The following GABRA5 variants were observed in gnomAD, a reference collection of about 807,000 sequenced individuals.
GABRA5 encodes gamma-aminobutyric acid type A receptor subunit alpha5.
In GABRA5, 18 loss-of-function variants were observed where a neutral mutation model predicts 47.3. The observed-to-expected ratio is 0.38, with a 90% CI of 0.26 to 0.56. The LOEUF (loss-of-function observed/expected upper bound fraction) is 0.56. GABRA5 is among the 20% of genes least tolerant of loss of function. The pLI is 0.71. For synonymous variants in GABRA5, 237 were observed against 229.3 expected (o/e 1.03, Z -0.30); for missense variants, 365 against 599.3 (o/e 0.61, Z 4.08).
chr15:26,945,747 G>C (rs1263827528), intron 10 of GABRA5, among the ~76,000 whole-genome samples: 1 of 152,160 alleles, frequency 6.6e-6, no homozygotes, highest in Non-Finnish European at 1.5e-5. Context: ...GCGGATTCCA[G>C]GGCGCGTGTA....
intron 7 of GABRA5, among the ~76,000 whole-genome samples, chr15:26,920,491 T>G (rs1893817881): frequency 6.6e-6 from 1 of 152,138 alleles, no homozygotes; most frequent in Non-Finnish European, 1.5e-5. Flanking sequence ...TATTGAAAAT[T>G]CACTTTGTTC....
At chr15:26,911,398 A>AACACACACAC (rs1211826336) in intron 6 of GABRA5, among the ~76,000 whole-genome samples, 5 of 96,782 alleles carry the variant, frequency 5.2e-5, no homozygotes, top group South Asian at 3.4e-4. Flanking sequence ...CACACACACA[A>AACACACACAC]ACACACACAC....
At chr15:26,939,667 AAC>A in intron 8 of GABRA5, 1 of 596,350 alleles carries the variant, frequency 1.7e-6, no homozygotes, top group Middle Eastern at 4.4e-4. Flanking sequence ...AGATTAGTAA[AAC>A]ACACAAATCT....
At position 26,883,313 on chromosome 15, in the gene GABRA5, G is replaced by A. The variant is rs1370054287; in HGVS notation, c.277-24G>A. ...CGCCCAGGCCCCGTGCCCTCTGACT[G>A]CCTCGTGCCTTCCTTTCCACTAGGA... is the stretch of plus-strand genomic sequence containing the variant. On this transcript the variant is annotated intron_variant, in intron 5 of 10. Coordinates refer to ENST00000335625, the MANE Select transcript of GABRA5 (RefSeq NM_000810.4). This position sits in a 1 kb window ranked among gnomAD's most constrained non-coding sequence, Gnocchi z 4.8. 39 of 1,612,916 alleles carry A rather than the reference G, an allele frequency of 2.4e-5. No homozygotes were observed. Among genetic ancestry groups the A allele is most frequent in the Non-Finnish European group, 3.3e-5 (39 of 1,178,924 alleles).
intron 6 of GABRA5, among the ~76,000 whole-genome samples, chr15:26,904,706 A>G (rs989439753): frequency 6.6e-6 from 1 of 151,794 alleles, no homozygotes; most frequent in Non-Finnish European, 1.5e-5. Flanking sequence ...ATTCCTAGGT[A>G]TTTCATTCTT....
chr15:26,918,405 A>G (rs1893766068), intron 7 of GABRA5, among the ~76,000 whole-genome samples: 1 of 152,176 alleles, frequency 6.6e-6, no homozygotes, highest in African/African-American at 2.4e-5. Context: ...GTGACATAAA[A>G]TGTGAATGTT....
At chr15:26,889,305 G>C (rs904134872) in intron 6 of GABRA5, among the ~76,000 whole-genome samples, 9 of 152,056 alleles carry the variant, frequency 5.9e-5, no homozygotes, top group African/African-American at 2.2e-4. Context: ...CTTAAATTCA[G>C]GTCCTGACTG....
chr15:26,883,577 G>A lies in GABRA5; in HGVS notation c.497+20G>A, dbSNP rs1198489066. The A allele has an allele frequency of 2.7e-6, 4 of 1,496,984 alleles. No individual in the cohort carries two copies. The highest frequency in any genetic ancestry group is 3.6e-6 in the Non-Finnish European group (4 of 1,101,462). 92.7% of individuals were successfully genotyped at this position (1,496,984 alleles called of 1,614,324 possible). ...CATGCGGTGAGCGCCGGGCGGGGGC[G>A]GGCGGGGCCGGGGGACGGTGCGGGG... On this transcript the variant is annotated intron_variant, in intron 6 of 10. Transcript: ENST00000335625. This position sits in a 1 kb window ranked among gnomAD's most constrained non-coding sequence, Gnocchi z 4.8.
At chr15:26,946,172 C>T (rs1372929598) in intron 10 of GABRA5, among the ~76,000 whole-genome samples, 1 of 152,160 alleles carries the variant, frequency 6.6e-6, no homozygotes, top group Admixed American at 6.5e-5. Context: ...TGCTTTTTAT[C>T]TTTTCTTTAT....
intron 10 of GABRA5, among the ~76,000 whole-genome samples, chr15:26,946,602 T>C (rs1259559989): frequency 6.6e-6 from 1 of 152,186 alleles, no homozygotes; most frequent in Non-Finnish European, 1.5e-5. Context: ...ACAGCACCTT[T>C]GCTGAGTGTG....
intron 6 of GABRA5, among the ~76,000 whole-genome samples, chr15:26,893,756 G>A (rs1197019683): frequency 1.3e-5 from 2 of 152,042 alleles, no homozygotes; most frequent in African/African-American, 4.8e-5. Context: ...AGCAGGGCCC[G>A]GCGACCAGGC....
intron 8 of GABRA5, chr15:26,939,507 G>C: frequency 1.4e-6 from 1 of 701,006 alleles, no homozygotes; most frequent in Non-Finnish European, 2.6e-6. Flanking sequence ...CACCTCCCTG[G>C]AGCCTCTAGA....
chr15:26,895,759 G>A lies in GABRA5; in HGVS notation c.497+12202G>A, dbSNP rs1281316971. ...ACCCGGGAGGCGGAGGTTGCAGAGA[G>A]CCAAGATGGCGCCACCGCACACTCC... On this transcript the variant is annotated intron_variant, in intron 6 of 10. Coordinates refer to ENST00000335625, the MANE Select transcript of GABRA5 (RefSeq NM_000810.4). Among the ~76,000 whole-genome samples, 3 of 148,336 alleles carry A rather than the reference G, an allele frequency of 2.0e-5. No homozygotes were observed. The Admixed American group carries it at 2.0e-4, about 10-fold the overall frequency.
chr15:26,919,404 T>A (rs549906023), intron 7 of GABRA5, among the ~76,000 whole-genome samples: 18 of 152,296 alleles, frequency 1.2e-4, no homozygotes, highest in South Asian at 1.0e-3. Context: ...TTCTGTAACT[T>A]CTATAGTTAT....
chr15:26,944,603 A>T (rs1436114152), intron 10 of GABRA5, among the ~76,000 whole-genome samples: 6 of 152,156 alleles, frequency 3.9e-5, no homozygotes, highest in Non-Finnish European at 7.4e-5. Flanking sequence ...GGGGGCTGGG[A>T]GCAGGCTGTT....
intron 7 of GABRA5, among the ~76,000 whole-genome samples, chr15:26,933,868 A>G (rs11853335): frequency 7.7e-4 from 117 of 152,186 alleles, no homozygotes; most frequent in African/African-American, 2.7e-3. Context: ...ATCTGTTTGT[A>G]TTTTTCAAAG....
intron 7 of GABRA5, among the ~76,000 whole-genome samples, chr15:26,916,908 G>T (rs569095157): frequency 1.3e-5 from 2 of 151,944 alleles, no homozygotes; most frequent in Non-Finnish European, 2.9e-5. Context: ...ACTGATTTTT[G>T]ATGTTGATTT....
chr15:26,895,588 G>A (rs1045175806), intron 6 of GABRA5, among the ~76,000 whole-genome samples: 4 of 151,906 alleles, frequency 2.6e-5, no homozygotes, highest in African/African-American at 9.7e-5. Flanking sequence ...CGAAGCTGGC[G>A]GATCACGAGG....
chr15:26,878,514 A>G (rs1176264001), intron 3 of GABRA5, among the ~76,000 whole-genome samples: 1 of 152,070 alleles, frequency 6.6e-6, no homozygotes, highest in East Asian at 1.9e-4. Flanking sequence ...AAACAAACAA[A>G]CAAAAAAAAA....
Sources: allele counts gnomAD v4.1 joint callset (sites outside exome capture counted in the v4.1 genomes callset), GRCh38; gene constraint gnomAD v4.1.1; non-coding constraint Gnocchi (gnomAD v3.1); transcripts MANE v1.5; gene names NCBI Gene and HGNC (gene_info 2026-07-23, HGNC 2026-07-21).